TMEM132C: variants seen among roughly 807,000 people sequenced by gnomAD.
TMEM132C encodes the protein transmembrane protein 132C.
Under a neutral mutation model 61.4 loss-of-function variants are expected in TMEM132C, and 29 were observed. The ratio of observed to expected loss-of-function variants is 0.47; its 90% CI spans 0.35 to 0.64. The LOEUF is 0.64. TMEM132C is among the 30% of genes least tolerant of loss of function. The pLI, the probability that TMEM132C is intolerant of heterozygous loss-of-function variation, is 0.00. For missense variants in TMEM132C, 1,408 were observed against 1,476.9 expected, an observed-to-expected ratio of 0.95 and a Z score of 0.76; for synonymous variants, 656 against 633.1, an observed-to-expected ratio of 1.04 and a Z score of -0.54.
At chr12:128,435,376 G>A (rs549733999) in intron 2 of TMEM132C, among the ~76,000 whole-genome samples, 1 of 152,264 alleles carries the variant, frequency 6.6e-6, no homozygotes, top group East Asian at 1.9e-4. Flanking sequence ...GTTCACAGAT[G>A]ACATGATTGG....
chr12:128,415,171 C>T lies in TMEM132C; in HGVS notation c.525C>T (p.Phe175=). ...TGCCATGCCTGAGGGTCTTTGCTTT[C>T]CGAGAAACCAGAGAGGTGCGGGGCA... The part of the protein sequence containing the change: ...EKLPCLRVFA[F]RETREVRGSC... The change falls in exon 2 of 9, where the codon TTC becomes TTT. Residue 175 remains phenylalanine (F), a synonymous_variant. Coordinates refer to ENST00000435159, the MANE Select transcript of TMEM132C (RefSeq NM_001136103.3). This position sits in a 1 kb window ranked among gnomAD's most constrained non-coding sequence, Gnocchi z 5.8. The T allele has an allele frequency of 1.2e-6, 2 of 1,610,850 alleles. No individual in the cohort carries two copies. The highest frequency in any genetic ancestry group is 1.7e-6 in the Non-Finnish European group (2 of 1,178,516).
At chr12:128,579,444 T>C (rs1565980093) in intron 3 of TMEM132C, among the ~76,000 whole-genome samples, 2 of 152,232 alleles carry the variant, frequency 1.3e-5, no homozygotes, top group Non-Finnish European at 2.9e-5. Flanking sequence ...ACATGCCTCT[T>C]GCATTACCCA....
chr12:128,304,934 A>G (rs535919111), intron 1 of TMEM132C, among the ~76,000 whole-genome samples: 2 of 152,330 alleles, frequency 1.3e-5, no homozygotes, highest in African/African-American at 4.8e-5. Context: ...CCTGGCAATG[A>G]CATGAACCAA....
chr12:128,503,892 GTC>G (rs1424845031), intron 2 of TMEM132C, among the ~76,000 whole-genome samples: 1 of 152,188 alleles, frequency 6.6e-6, no homozygotes, highest in Non-Finnish European at 1.5e-5. Context: ...TCATTTTATT[GTC>G]TCTCATGGTT....
intron 1 of TMEM132C, among the ~76,000 whole-genome samples, chr12:128,389,092 C>T (rs1874683574): frequency 1.3e-5 from 2 of 152,126 alleles, no homozygotes; most frequent in African/African-American, 4.8e-5. Context: ...CCGGGGTACC[C>T]AGGGGGTTGG....
intron 1 of TMEM132C, among the ~76,000 whole-genome samples, chr12:128,407,691 G>T (rs1009802608): frequency 6.6e-6 from 1 of 152,176 alleles, no homozygotes; most frequent in Non-Finnish European, 1.5e-5. Flanking sequence ...GAGTGGAAAT[G>T]TGCAAGGCCC....
At chr12:128,462,577 A>T (rs1013439938) in intron 2 of TMEM132C, among the ~76,000 whole-genome samples, 5 of 152,212 alleles carry the variant, frequency 3.3e-5, no homozygotes, top group African/African-American at 4.8e-5. Context: ...GAAGACATGA[A>T]AGGATCTGGC....
intron 1 of TMEM132C, among the ~76,000 whole-genome samples, chr12:128,388,473 C>T (rs770218368): frequency 5.3e-5 from 8 of 152,284 alleles, no homozygotes; most frequent in Non-Finnish European, 7.3e-5. Flanking sequence ...CCCTGCCTCT[C>T]TGTCATTCTT....
At chr12:128,481,328 C>T (rs773200411) in intron 2 of TMEM132C, among the ~76,000 whole-genome samples, 6 of 152,208 alleles carry the variant, frequency 3.9e-5, no homozygotes, top group Admixed American at 2.6e-4. Flanking sequence ...ACTGGAGGAT[C>T]GTGAAGTGTG....
chr12:128,649,252 C>T (rs1352962390), intron 4 of TMEM132C, among the ~76,000 whole-genome samples: 2 of 152,348 alleles, frequency 1.3e-5, no homozygotes, highest in East Asian at 3.9e-4. Flanking sequence ...GCCTGGCTTC[C>T]CCTCCAGCCA....
At chr12:128,644,970 C>A (rs920597421) in intron 4 of TMEM132C, among the ~76,000 whole-genome samples, 1 of 152,074 alleles carries the variant, frequency 6.6e-6, no homozygotes, top group African/African-American at 2.4e-5. Context: ...TGGTTAGGGT[C>A]AAGTAGGATT....
chr12:128,640,104 G>C (rs1449346976), intron 4 of TMEM132C, among the ~76,000 whole-genome samples: 1 of 152,122 alleles, frequency 6.6e-6, no homozygotes, highest in Non-Finnish European at 1.5e-5. Context: ...CGTGGGCTGG[G>C]GTTTACAATA....
At chr12:128,370,159 C>T (rs867823992) in intron 1 of TMEM132C, among the ~76,000 whole-genome samples, 1 of 152,148 alleles carries the variant, frequency 6.6e-6, no homozygotes, top group Admixed American at 6.5e-5. Flanking sequence ...TGGGCAGATG[C>T]CCTGGCCAGC....
intron 2 of TMEM132C, among the ~76,000 whole-genome samples, chr12:128,480,588 G>A (rs750202370): frequency 1.3e-5 from 2 of 152,168 alleles, no homozygotes; most frequent in Non-Finnish European, 2.9e-5. Context: ...AGCACCCCGG[G>A]GCCTTCTTGT....
intron 3 of TMEM132C, among the ~76,000 whole-genome samples, chr12:128,610,681 C>T (rs1876601768): frequency 6.6e-6 from 1 of 152,166 alleles, no homozygotes; most frequent in East Asian, 1.9e-4. Flanking sequence ...CAAGGCAAAG[C>T]TTAGCAAATA....
At chr12:128,345,523 C>G (rs999685684) in intron 1 of TMEM132C, among the ~76,000 whole-genome samples, 4 of 152,222 alleles carry the variant, frequency 2.6e-5, no homozygotes, top group African/African-American at 9.6e-5. Flanking sequence ...AATTTACACT[C>G]TCACCAACAG....
At chr12:128,374,834 C>T (rs1190456990) in intron 1 of TMEM132C, among the ~76,000 whole-genome samples, 8 of 148,652 alleles carry the variant, frequency 5.4e-5, no homozygotes, top group African/African-American at 2.0e-4. Context: ...GAAGGAGAAT[C>T]GGTTTGAACC....
intron 1 of TMEM132C, among the ~76,000 whole-genome samples, chr12:128,347,582 C>T (rs981356051): frequency 3.9e-5 from 6 of 152,158 alleles, no homozygotes; most frequent in African/African-American, 1.2e-4. Flanking sequence ...GCATGCACCA[C>T]CAAACATGGC....
intron 2 of TMEM132C, chr12:128,438,238 G>T (rs1214617726): frequency 1.3e-5 from 2 of 152,106 alleles, no homozygotes; most frequent in East Asian, 3.9e-4. Context: ...GGGGCCTAAT[G>T]GGGGGTGTTT....
Sources: allele counts gnomAD v4.1 joint callset (sites outside exome capture counted in the v4.1 genomes callset), GRCh38; gene constraint gnomAD v4.1.1; non-coding constraint Gnocchi (gnomAD v3.1); transcripts MANE v1.5; gene names NCBI Gene and HGNC (gene_info 2026-07-23, HGNC 2026-07-21).